EYS: variants seen among roughly 807,000 people sequenced by gnomAD.
EYS encodes protein eyes shut homolog.
EYS carries 250 observed loss-of-function variants against 282.1 expected under a neutral mutation model. The ratio of observed to expected loss-of-function variants is 0.89; its 90% CI spans 0.80 to 0.98. The LOEUF (loss-of-function observed/expected upper bound fraction) is 0.98, where lower values mean the gene tolerates loss of function less well. Among genes scored for constraint, EYS ranks in the 50% least tolerant of loss-of-function variants. The pLI, the probability that EYS is intolerant of heterozygous loss-of-function variation, is 0.00. For synonymous variants in EYS, 1,355 were observed against 1,282.9 expected, an observed-to-expected ratio of 1.06 and a Z score of -1.20; for missense variants, 4,016 against 3,709.0, an observed-to-expected ratio of 1.08 and a Z score of -2.15.
chr6:63,737,009 G>A (rs1345192659), intron 41 of EYS, among the ~76,000 whole-genome samples: 6 of 151,850 alleles, frequency 4.0e-5, no homozygotes, highest in Non-Finnish European at 5.9e-5. Context: ...GGGTTTTCTA[G>A]ATATACAATC....
At chr6:64,270,805 C>T (rs1178804183) in intron 30 of EYS, among the ~76,000 whole-genome samples, 3 of 152,168 alleles carry the variant, frequency 2.0e-5, no homozygotes, top group Non-Finnish European at 4.4e-5. Flanking sequence ...ACAAAGCATT[C>T]CCTATTTTTG....
chr6:64,931,804 T>A (rs1768734768), intron 15 of EYS, among the ~76,000 whole-genome samples: 1 of 152,084 alleles, frequency 6.6e-6, no homozygotes, highest in South Asian at 2.1e-4. Flanking sequence ...AAATGTAATG[T>A]AAACTTACTT....
At chr6:64,831,016 A>G (rs907753940) in intron 19 of EYS, among the ~76,000 whole-genome samples, 2 of 151,982 alleles carry the variant, frequency 1.3e-5, no homozygotes, top group Non-Finnish European at 2.9e-5. Context: ...CCCACTTCAT[A>G]GTTCCTGGAG....
intron 22 of EYS, among the ~76,000 whole-genome samples, chr6:64,644,884 G>A (rs1291451897): frequency 1.3e-5 from 2 of 152,086 alleles, no homozygotes; most frequent in Non-Finnish European, 2.9e-5. Flanking sequence ...TTACTGGATG[G>A]GAGAAATTTC....
chr6:64,646,945 T>G (rs1768376008), intron 22 of EYS, among the ~76,000 whole-genome samples: 1 of 152,114 alleles, frequency 6.6e-6, no homozygotes, highest in Admixed American at 6.5e-5. Context: ...ATGACAAACA[T>G]TTGTAAGGCA....
At chr6:65,637,164 T>C (rs1232518165) in intron 2 of EYS, among the ~76,000 whole-genome samples, 1 of 152,220 alleles carries the variant, frequency 6.6e-6, no homozygotes, top group Non-Finnish European at 1.5e-5. Context: ...GAATTTAATT[T>C]AAAAACGATA....
chr6:63,856,294 A>G (rs777376559), intron 36 of EYS, among the ~76,000 whole-genome samples: 2 of 152,218 alleles, frequency 1.3e-5, no homozygotes, highest in Non-Finnish European at 2.9e-5. Context: ...CCATAAGTAT[A>G]TTCAGGAGAG....
intron 30 of EYS, among the ~76,000 whole-genome samples, chr6:64,248,144 A>G (rs946628858): frequency 6.6e-6 from 1 of 151,550 alleles, no homozygotes; most frequent in Admixed American, 6.6e-5. Context: ...ATGAGACAGC[A>G]TGCATGGAGA....
intron 22 of EYS, among the ~76,000 whole-genome samples, chr6:64,717,123 T>C (rs1771424914): frequency 1.3e-5 from 2 of 152,042 alleles, no homozygotes; most frequent in Admixed American, 6.5e-5. Flanking sequence ...AAGTGCATAG[T>C]GTGAGAAAAA....
intron 13 of EYS, among the ~76,000 whole-genome samples, chr6:65,020,891 C>T (rs191962127): frequency 1.6e-3 from 237 of 152,286 alleles, no homozygotes; most frequent in African/African-American, 5.4e-3. Flanking sequence ...GGGACTTGCA[C>T]CCTCTGAAGC....
Position 65,099,420 on chromosome 6 carries a change from T to C in EYS, c.2024-41693A>G, listed in dbSNP as rs981247. The stretch of plus-strand genomic sequence containing the variant: ...AGTAAGAAAATCATATTCTCTAATA[T>C]CTGGCACATATTTGTATTGCTGTTT... On this transcript the variant is annotated intron_variant, in intron 12 of 42. Coordinates refer to ENST00000503581, the MANE Select transcript of EYS (RefSeq NM_001142800.2). 6.7e-3 allele frequency among the ~76,000 whole-genome samples: 1,015 copies of C among 150,878 alleles called. 11 individuals are homozygous for C. The highest frequency in any genetic ancestry group is 0.023 in the African/African-American group (942 of 41,432).
intron 9 of EYS, among the ~76,000 whole-genome samples, chr6:65,351,959 C>T (rs9453261): frequency 0.044 from 6,741 of 151,822 alleles, 476 homozygotes; most frequent in African/African-American, 0.15. Context: ...CTAACCTCAA[C>T]TATATTTATT....
intron 27 of EYS, among the ~76,000 whole-genome samples, chr6:64,437,619 TTGG>T (rs1204250845): frequency 1.3e-5 from 2 of 151,628 alleles, no homozygotes; most frequent in African/African-American, 2.4e-5. Flanking sequence ...GTGATTTAAA[TTGG>T]TAAATGAATG....
intron 30 of EYS, among the ~76,000 whole-genome samples, chr6:64,249,850 C>T (rs1390356025): frequency 6.6e-6 from 1 of 152,158 alleles, no homozygotes; most frequent in Non-Finnish European, 1.5e-5. Context: ...CCTTCCATCA[C>T]ATTGCCCAAA....
At chr6:64,592,399 A>C (rs963482828) in intron 25 of EYS, among the ~76,000 whole-genome samples, 4 of 152,172 alleles carry the variant, frequency 2.6e-5, no homozygotes, top group African/African-American at 9.6e-5. Flanking sequence ...TGTTCTGTTT[A>C]TATTAGATAA....
intron 12 of EYS, among the ~76,000 whole-genome samples, chr6:65,076,833 G>A (rs1774068920): frequency 6.6e-6 from 1 of 151,912 alleles, no homozygotes; most frequent in Non-Finnish European, 1.5e-5. Context: ...GATTAAATAT[G>A]AATAGCATGT....
chr6:63,831,223 C>T (rs1771627169), intron 36 of EYS, among the ~76,000 whole-genome samples: 1 of 152,128 alleles, frequency 6.6e-6, no homozygotes, highest in African/African-American at 2.4e-5. Flanking sequence ...ACAATATTAA[C>T]CTTAAATGTA....
At chr6:65,659,464 A>G (rs947924975) in intron 1 of EYS, among the ~76,000 whole-genome samples, 1 of 151,728 alleles carries the variant, frequency 6.6e-6, no homozygotes, top group Non-Finnish European at 1.5e-5. Context: ...GGTGATTTCA[A>G]TGATTGAGAC....
intron 31 of EYS, among the ~76,000 whole-genome samples, chr6:64,175,293 G>C (rs1220259988): frequency 1.3e-5 from 2 of 151,944 alleles, no homozygotes; most frequent in Non-Finnish European, 2.9e-5. Flanking sequence ...TCCTAACCTA[G>C]GTTCTCCAGA....
Sources: allele counts gnomAD v4.1 joint callset (sites outside exome capture counted in the v4.1 genomes callset), GRCh38; gene constraint gnomAD v4.1.1; transcripts MANE v1.5; gene names NCBI Gene and HGNC (gene_info 2026-07-23, HGNC 2026-07-21).